LRCH3: variants seen among roughly 807,000 people sequenced by gnomAD.
LRCH3 encodes the protein leucine rich repeats and calponin homology domain containing 3, also known as DISP complex protein LRCH3.
LRCH3 carries 68 observed loss-of-function variants against 104.5 expected under a neutral mutation model. The ratio of observed to expected loss-of-function variants is 0.65; its 90% confidence interval spans 0.54 to 0.80. The LOEUF is 0.80. Ranked by LOEUF, LRCH3 falls within the 30% of genes least tolerant of loss-of-function variation. The pLI is 0.00. For missense variants in LRCH3, 951 were observed against 953.9 expected (o/e 1.00, Z 0.04); for synonymous variants, 344 against 361.3 (o/e 0.95, Z 0.54).
intron 6 of LRCH3, among the ~76,000 whole-genome samples, chr3:197,830,011 G>A (rs1460772522): frequency 1.3e-5 from 2 of 152,194 alleles, no homozygotes; most frequent in Non-Finnish European, 2.9e-5. Flanking sequence ...TCACCTTGGG[G>A]CCCTCCAGTT....
chr3:197,814,758 T>G, intron 1 of LRCH3, 150 bp from the exon 2 acceptor site: 1 of 561,440 alleles, frequency 1.8e-6, no homozygotes. Context: ...GATACGATCT[T>G]TGATATAATT....
chr3:197,826,802 T>G, intron 4 of LRCH3, 76 bp from the exon 5 acceptor site: 1 of 1,541,878 alleles, frequency 6.5e-7, no homozygotes, highest in African/African-American at 1.4e-5. Flanking sequence ...AAAATCACAT[T>G]TAACTAGAAG....
intron 19 of LRCH3, among the ~76,000 whole-genome samples, chr3:197,873,143 C>T (rs1712432271): frequency 6.6e-6 from 1 of 152,090 alleles, no homozygotes; most frequent in Admixed American, 6.6e-5. Context: ...GTTGACACAC[C>T]CCTCCTCTGT....
intron 17 of LRCH3, among the ~76,000 whole-genome samples, chr3:197,869,400 C>T (rs111515704): frequency 0.03 from 4,479 of 148,144 alleles, 241 homozygotes; most frequent in African/African-American, 0.11. Context: ...AAGTAGAAAG[C>T]GGTGCACTGT....
chr3:197,818,243 A>C (rs1734083292), intron 3 of LRCH3, among the ~76,000 whole-genome samples: 1 of 152,202 alleles, frequency 6.6e-6, no homozygotes, highest in Non-Finnish European at 1.5e-5. Flanking sequence ...AATATTATGA[A>C]TTGATTACTA....
At chr3:197,859,260 A>C (rs558832871) in intron 15 of LRCH3, 15 of 231,344 alleles carry the variant, frequency 6.5e-5, no homozygotes, top group East Asian at 6.1e-4. Context: ...GTCCAAAAAA[A>C]CTATCACTAC....
rs189017659 is a variant in LRCH3, at chr3:197,873,631, G to T, written c.2131-2067G>T. Among the ~76,000 whole-genome samples the T allele has an allele frequency of 3.6e-3, 548 of 152,232 alleles. 1 individual carries two copies. The highest frequency in any genetic ancestry group is 0.012 in the African/African-American group (518 of 41,558). ...CACCTGCTACTCAGGAAGCTGTGGC[G>T]GGAGGATCACTTGGGCCCAGGAGTT... On this transcript the variant is annotated intron_variant, in intron 19 of 20. Transcript: ENST00000425562.
chr3:197,791,411 T>C lies in LRCH3; in HGVS notation c.133T>C (p.Trp45Arg), dbSNP rs1321156555. ...AGGCCCTGGTTTTGGCCCGGGCTCGTGGAGCCGCTCTCTCGATCGAGCCCT... is the reference window on the plus strand; with the variant it reads ...AGGCCCTGGTTTTGGCCCGGGCTCGCGGAGCCGCTCTCTCGATCGAGCCCT... ...GAGPGFGPGS[W>R]SRSLDRALEE... is the part of the protein sequence containing the mutation. Residue 45 changes from tryptophan (W) to arginine (R), a missense_variant, in exon 1 of 21, where the codon TGG becomes CGG. By Grantham distance (101) the Trp-to-Arg change is moderately radical. Coordinates refer to ENST00000425562, the MANE Select transcript of LRCH3 (RefSeq NM_001365715.1). The C allele has an allele frequency of 3.1e-6, 5 of 1,592,700 alleles. No individual in the cohort carries two copies. The highest frequency in any genetic ancestry group is 4.3e-6 in the Non-Finnish European group (5 of 1,171,342).
Position 197,813,529 on chromosome 3 carries a change from T to C in LRCH3, c.263-1379T>C, listed in dbSNP as rs1278713129. ...CATATAATTTTTTTTTTTTTTTTTT[T>C]TTTTTTTTTTTTTTTTTTTGAGATG... On this transcript the variant is annotated intron_variant, in intron 1 of 20. Transcript: ENST00000425562. Among the ~76,000 whole-genome samples the C allele has an allele frequency of 9.4e-5, 11 of 116,926 alleles. 1 individual carries two copies. The highest frequency in any genetic ancestry group is 5.9e-4 in the South Asian group (2 of 3,410). 76.7% of individuals were successfully genotyped at this position (116,926 alleles called of 152,430 possible). A position where few individuals can be genotyped will look rare whatever the true frequency, so the allele number is the denominator to read the frequency against.
intron 1 of LRCH3, among the ~76,000 whole-genome samples, chr3:197,796,011 A>C (rs2109092500): frequency 6.6e-6 from 1 of 152,204 alleles, no homozygotes; most frequent in South Asian, 2.1e-4. Context: ...GATGATAAAA[A>C]GGTCCTGACT....
chr3:197,830,682 C>T (rs1735811570), intron 6 of LRCH3, 88 bp from the exon 7 acceptor site: 1 of 1,068,514 alleles, frequency 9.4e-7, no homozygotes. Flanking sequence ...TGCCACATTT[C>T]TTGTTTTTTA....
intron 9 of LRCH3, among the ~76,000 whole-genome samples, chr3:197,838,805 G>T (rs1737324331): frequency 6.6e-6 from 1 of 151,868 alleles, no homozygotes; most frequent in Non-Finnish European, 1.5e-5. Flanking sequence ...TTTTTGTTTT[G>T]TCTTGATATT....
At chr3:197,853,920 A>G (rs1395556026) in intron 13 of LRCH3, among the ~76,000 whole-genome samples, 1 of 152,196 alleles carries the variant, frequency 6.6e-6, no homozygotes, top group Non-Finnish European at 1.5e-5. Flanking sequence ...GATTGTTTTC[A>G]AGTAATTCAT....
intron 10 of LRCH3, among the ~76,000 whole-genome samples, chr3:197,843,910 C>G (rs946498842): frequency 1.3e-5 from 2 of 152,108 alleles, no homozygotes; most frequent in African/African-American, 4.8e-5. Flanking sequence ...TTTAGAGTTA[C>G]TTTTTAGTGG....
At chr3:197,819,755 T>C (rs1227442666) in intron 3 of LRCH3, among the ~76,000 whole-genome samples, 2 of 152,170 alleles carry the variant, frequency 1.3e-5, no homozygotes, top group African/African-American at 4.8e-5. Flanking sequence ...CTGATTCTAC[T>C]TCAATTATTA....
At chr3:197,876,512 C>A (rs1259780854) in intron 20 of LRCH3, among the ~76,000 whole-genome samples, 1 of 152,008 alleles carries the variant, frequency 6.6e-6, no homozygotes, top group Non-Finnish European at 1.5e-5. Context: ...TCCAATAACC[C>A]CTTTAAAAAG....
intron 20 of LRCH3, among the ~76,000 whole-genome samples, chr3:197,880,141 T>C (rs528495491): frequency 4.6e-5 from 7 of 151,238 alleles, no homozygotes; most frequent in South Asian, 2.1e-4. Context: ...AAGACGGGGT[T>C]TCACCGTGTT....
At chr3:197,805,697 A>G (rs1265215216) in intron 1 of LRCH3, among the ~76,000 whole-genome samples, 1 of 151,296 alleles carries the variant, frequency 6.6e-6, no homozygotes, top group Non-Finnish European at 1.5e-5. Context: ...AAACCTAATG[A>G]CAGCCGACAT....
intron 7 of LRCH3, 167 bp downstream of exon 7, chr3:197,831,030 TC>T (rs1427589230): frequency 1.8e-6 from 1 of 549,114 alleles, no homozygotes; most frequent in Non-Finnish European, 3.3e-6. Context: ...GCATTCTGCG[TC>T]CTTACCGGCT....
Sources: allele counts gnomAD v4.1 joint callset (sites outside exome capture counted in the v4.1 genomes callset), GRCh38; gene constraint gnomAD v4.1.1; transcripts MANE v1.5; gene names NCBI Gene and HGNC (gene_info 2026-07-23, HGNC 2026-07-21).